Variants in AGAP1 observed in about 807,000 individuals in gnomAD.
AGAP1 encodes arf-GAP with GTPase, ANK repeat and PH domain-containing protein 1.
A neutral mutation model predicts 105.3 loss-of-function variants in AGAP1; 29 were observed. The observed-to-expected ratio is 0.28, with a 90% CI of 0.21 to 0.38. The LOEUF (loss-of-function observed/expected upper bound fraction) is 0.38, where lower values mean the gene tolerates loss of function less well. AGAP1 is among the 10% of genes least tolerant of loss of function. The probability of loss-of-function intolerance (pLI) is 1.00; values close to 1 mark genes in which losing one functional copy is unlikely to be tolerated. For missense variants in AGAP1, 998 were observed against 1,165.1 expected, an observed-to-expected ratio of 0.86 and a Z score of 2.09; for synonymous variants, 509 against 485.9, an observed-to-expected ratio of 1.05 and a Z score of -0.63.
rs1181945374 is a variant in AGAP1, at chr2:236,073,647, G to A, written c.2114+24366G>A. On this transcript the variant is annotated intron_variant, in intron 16 of 17. Coordinates refer to ENST00000304032, the MANE Select transcript of AGAP1 (RefSeq NM_001037131.3). The surrounding 1 kb of genome is among the most constrained non-coding windows in gnomAD (Gnocchi z 5.4). ...ACCTATAACATAACCTGAGAATGGC[G>A]ATTAAGTAACCTGGTCTTAACTCCA... Among the ~76,000 whole-genome samples, 1 of 152,144 alleles carries A rather than the reference G, an allele frequency of 6.6e-6. No homozygotes were observed. The highest frequency in any genetic ancestry group is 6.5e-5 in the Admixed American group (1 of 15,272).
rs564260267 is a variant in AGAP1, at chr2:235,777,424, G to A, written c.674-20335G>A. Among the ~76,000 whole-genome samples the A allele has an allele frequency of 6.6e-6, 1 of 152,218 alleles. No homozygotes were observed. Among genetic ancestry groups the A allele is most frequent in the African/African-American group, 2.4e-5 (1 of 41,472 alleles). Reference sequence around the variant, plus strand: ...AACCAGCAGACATGGGACAGAAGAAGAATTACAGGTGTGAAGCGCCCGTGT... The same window carrying A: ...AACCAGCAGACATGGGACAGAAGAAAAATTACAGGTGTGAAGCGCCCGTGT... On this transcript the variant is annotated intron_variant, in intron 6 of 17. Transcript: ENST00000304032. This position sits in a 1 kb window ranked among gnomAD's most constrained non-coding sequence, Gnocchi z 5.1.
At chr2:235,722,355 T>G (rs1166922587) in intron 3 of AGAP1, among the ~76,000 whole-genome samples, 2 of 152,224 alleles carry the variant, frequency 1.3e-5, no homozygotes, top group African/African-American at 4.8e-5. Flanking sequence ...TGTTCTGATT[T>G]AATTAGTGCG....
At chr2:235,685,713 T>A (rs1361469854) in intron 1 of AGAP1, among the ~76,000 whole-genome samples, 1 of 152,058 alleles carries the variant, frequency 6.6e-6, no homozygotes, top group East Asian at 1.9e-4. Context: ...ACAGAAATAT[T>A]TGGCTCCAGA....
intron 16 of AGAP1, among the ~76,000 whole-genome samples, chr2:236,115,837 C>G (rs2059757937): frequency 1.3e-5 from 2 of 152,126 alleles, no homozygotes; most frequent in Non-Finnish European, 2.9e-5. Context: ...CAGAGTCTCG[C>G]TCTGTCACCC....
intron 5 of AGAP1, among the ~76,000 whole-genome samples, chr2:235,748,159 A>G (rs937202038): frequency 3.3e-5 from 5 of 152,252 alleles, no homozygotes; most frequent in African/African-American, 1.2e-4. Flanking sequence ...TGAGACAGGT[A>G]TAGAACCGAA....
chr2:235,776,823 G>C, intron 6 of AGAP1: 1 of 457,460 alleles, frequency 2.2e-6, no homozygotes, highest in Admixed American at 2.4e-5. Flanking sequence ...CCGTCCCTCA[G>C]GCATCGGCAC....
At chr2:235,616,455 C>T (rs79134718) in intron 1 of AGAP1, among the ~76,000 whole-genome samples, 4,452 of 152,070 alleles carry the variant, frequency 0.029, 95 homozygotes, top group Non-Finnish European at 0.045. Context: ...GAAAATAGTT[C>T]CCCTTTTACA....
chr2:235,727,812 G>T (rs578188879), intron 3 of AGAP1, among the ~76,000 whole-genome samples: 4 of 152,186 alleles, frequency 2.6e-5, no homozygotes, highest in African/African-American at 9.6e-5. Flanking sequence ...CAGCAATCAG[G>T]GTTCAATGGT....
intron 16 of AGAP1, among the ~76,000 whole-genome samples, chr2:236,084,665 G>C (rs998810060): frequency 2.0e-5 from 3 of 152,086 alleles, no homozygotes; most frequent in Non-Finnish European, 4.4e-5. Flanking sequence ...GACTTTGGGA[G>C]GCTGAAGCAG....
At position 235,843,613 on chromosome 2, in the gene AGAP1, A is replaced by G. The variant is rs1221852806; in HGVS notation, c.1050+36282A>G. On this transcript the variant is annotated intron_variant, in intron 9 of 17. Transcript: ENST00000304032. This position sits in a 1 kb window ranked among gnomAD's most constrained non-coding sequence, Gnocchi z 5.9. ...CAGCAGCACTTGCCTTCTCTTCCCC[A>G]TCATCTGTGGTCTTTCTGCACCTGG... is the stretch of plus-strand genomic sequence containing the variant. 2.0e-5 allele frequency among the ~76,000 whole-genome samples: 3 copies of G among 151,650 alleles called. No homozygotes were observed. Among genetic ancestry groups the G allele is most frequent in the Non-Finnish European group, 4.4e-5 (3 of 67,950 alleles).
rs1946063225 is a variant in AGAP1 at position 235,609,687 on chromosome 2, C to T, written c.164-99492C>T. 6.6e-6 allele frequency among the ~76,000 whole-genome samples: 1 copy of T among 152,096 alleles called. No homozygotes were observed. The highest frequency in any genetic ancestry group is 1.5e-5 in the Non-Finnish European group (1 of 68,020). On this transcript the variant is annotated intron_variant, in intron 1 of 17. Transcript: ENST00000304032. This position sits in a 1 kb window ranked among gnomAD's most constrained non-coding sequence, Gnocchi z 5.1. ...ATCCTTATGGTAAACGTCCCTGGTT[C>T]TGTACCGGAGGAACAGGAGCTCTGG...
At chr2:235,670,418 C>T (rs1217941866) in intron 1 of AGAP1, 1 of 559,306 alleles carries the variant, frequency 1.8e-6, no homozygotes, top group Non-Finnish European at 3.2e-6. Flanking sequence ...GGAACTGGGG[C>T]GGCTCCGGCC....
intron 9 of AGAP1, among the ~76,000 whole-genome samples, chr2:235,860,582 A>C (rs2048887994): frequency 6.6e-6 from 1 of 152,250 alleles, no homozygotes; most frequent in Admixed American, 6.5e-5. Flanking sequence ...TCAAAAATAC[A>C]GCAACTGACT....
intron 16 of AGAP1, among the ~76,000 whole-genome samples, chr2:236,117,450 CA>C (rs1404968180): frequency 1.3e-5 from 2 of 152,172 alleles, no homozygotes; most frequent in Admixed American, 6.5e-5. Flanking sequence ...AACATACTGA[CA>C]CAGCGAAGGG....
chr2:235,919,777 T>TA lies in AGAP1; in HGVS notation c.1324+10872dup, dbSNP rs1285902244. 6.6e-6 allele frequency among the ~76,000 whole-genome samples: 1 copy of TA among 152,214 alleles called. No individual in the cohort carries two copies. Among genetic ancestry groups the TA allele is most frequent in the Non-Finnish European group, 1.5e-5 (1 of 68,044 alleles). On this transcript the variant is annotated intron_variant, in intron 11 of 17. Coordinates refer to ENST00000304032, the MANE Select transcript of AGAP1 (RefSeq NM_001037131.3). This position sits in a 1 kb window ranked among gnomAD's most constrained non-coding sequence, Gnocchi z 4.1. ...AAGAATATTGTAAAGATGGAACCGT[T>TA]ATTCATGGCAAAGGAAGACACCAAA... is the stretch of plus-strand genomic sequence containing the variant.
In AGAP1 at chr2:235,744,952, T is replaced by A; in HGVS notation, c.538+113T>A. On this transcript the variant is annotated intron_variant, in intron 5 of 17. Coordinates refer to ENST00000304032, the MANE Select transcript of AGAP1 (RefSeq NM_001037131.3). The surrounding 1 kb of genome is among the most constrained non-coding windows in gnomAD (Gnocchi z 5.2). The stretch of plus-strand genomic sequence containing the variant: ...GAAGGAAAAATTGCCTACTGAACGC[T>A]CACTTTTTTGGGAAAAATTATGGAA... The A allele has an allele frequency of 7.6e-7, 1 of 1,313,988 alleles. No homozygotes were observed. Among genetic ancestry groups the A allele is most frequent in the Non-Finnish European group, 1.0e-6 (1 of 971,584 alleles). 81.4% of individuals were successfully genotyped at this position (1,313,988 alleles called of 1,614,324 possible).
chr2:235,626,089 C>T (rs1946627599), intron 1 of AGAP1, among the ~76,000 whole-genome samples: 1 of 151,954 alleles, frequency 6.6e-6, no homozygotes, highest in South Asian at 2.1e-4. Flanking sequence ...TGGCTCATGC[C>T]TGTAATCCCA....
rs1364323815 is a variant in AGAP1 at position 235,692,539 on chromosome 2, C to T, written c.164-16640C>T. 6.6e-6 allele frequency among the ~76,000 whole-genome samples: 1 copy of T among 152,136 alleles called. No homozygotes were observed. Among genetic ancestry groups the T allele is most frequent in the Non-Finnish European group, 1.5e-5 (1 of 68,010 alleles). ...CCAGCCCCAGCATCAAACCATACTTCGCCCTGCTGCCCCTATGCTCTCCCC... is the reference window on the plus strand; with the variant it reads ...CCAGCCCCAGCATCAAACCATACTTTGCCCTGCTGCCCCTATGCTCTCCCC... On this transcript the variant is annotated intron_variant, in intron 1 of 17. Coordinates refer to ENST00000304032, the MANE Select transcript of AGAP1 (RefSeq NM_001037131.3). The surrounding 1 kb of genome is among the most constrained non-coding windows in gnomAD (Gnocchi z 5.8).
intron 13 of AGAP1, among the ~76,000 whole-genome samples, chr2:236,024,514 C>T (rs970453365): frequency 2.6e-5 from 4 of 152,182 alleles, no homozygotes; most frequent in African/African-American, 9.6e-5. Flanking sequence ...CCCATGCATC[C>T]TTGTCAGATG....
Sources: gnomAD v4.1 joint callset for allele counts (sites outside exome capture counted in the v4.1 genomes callset) on GRCh38, gnomAD v4.1.1 for gene constraint, Gnocchi (gnomAD v3.1) non-coding constraint, MANE v1.5 for transcripts, NCBI Gene and HGNC (gene_info 2026-07-23, HGNC 2026-07-21) for gene names.